The following MAGI2 variants were observed in gnomAD, a reference collection of about 807,000 sequenced individuals.
MAGI2 encodes membrane associated guanylate kinase, WW and PDZ domain containing 2.
A neutral mutation model predicts 133.3 loss-of-function variants in MAGI2; 35 were observed. That is an observed-to-expected ratio of 0.26 (90% confidence interval 0.20 to 0.35). The LOEUF is 0.35. MAGI2 is among the 10% of genes least tolerant of loss of function. MAGI2 has a pLI of 1.00. For synonymous variants in MAGI2, 729 were observed against 710.6 expected (o/e 1.03, Z -0.41); for missense variants, 1,636 against 1,863.4 (o/e 0.88, Z 2.25).
intron 3 of MAGI2, among the ~76,000 whole-genome samples, chr7:78,522,665 C>T (rs1796608311): frequency 6.6e-6 from 1 of 152,174 alleles, no homozygotes; most frequent in Non-Finnish European, 1.5e-5. Context: ...CAGGCATGAG[C>T]CACTGCATGC....
At chr7:78,419,261 G>C (rs1238594274) in intron 6 of MAGI2, among the ~76,000 whole-genome samples, 1 of 152,224 alleles carries the variant, frequency 6.6e-6, no homozygotes, top group South Asian at 2.1e-4. Context: ...TGTTTGCCAA[G>C]AGGAACCTTG....
chr7:78,667,495 T>G (rs1046681083), intron 2 of MAGI2, among the ~76,000 whole-genome samples: 2 of 151,776 alleles, frequency 1.3e-5, no homozygotes, highest in Admixed American at 6.6e-5. Context: ...ACCCATTAAC[T>G]CGTTATTTAG....
At chr7:78,405,607 T>C (rs898348250) in intron 6 of MAGI2, among the ~76,000 whole-genome samples, 1 of 152,098 alleles carries the variant, frequency 6.6e-6, no homozygotes, top group African/African-American at 2.4e-5. Flanking sequence ...TCTTACAACA[T>C]TACCTATTAG....
At chr7:78,845,080 G>T (rs1308704018) in intron 2 of MAGI2, among the ~76,000 whole-genome samples, 1 of 151,874 alleles carries the variant, frequency 6.6e-6, no homozygotes, top group African/African-American at 2.4e-5. Flanking sequence ...ATCTCTAGAA[G>T]TAACTGTTCC....
In MAGI2 at chr7:78,472,400, A is replaced by C. The variant is rs531029436; in HGVS notation, c.1045+17361T>G. Reference sequence around the variant, plus strand: ...CAAATGTAGACAATAAATATTAATAACCTAGAAGCACTTGATAATATTTAC... The same window carrying C: ...CAAATGTAGACAATAAATATTAATACCCTAGAAGCACTTGATAATATTTAC... On this transcript the variant is annotated intron_variant, in intron 6 of 21. Transcript: ENST00000354212. 1.5e-4 allele frequency among the ~76,000 whole-genome samples: 23 copies of C among 152,200 alleles called. No homozygotes were observed. The South Asian group carries it at 4.6e-3, about 30-fold the overall frequency.
intron 10 of MAGI2, among the ~76,000 whole-genome samples, chr7:78,209,238 A>AAG (rs1398152548): frequency 8.2e-6 from 1 of 122,166 alleles, no homozygotes; most frequent in African/African-American, 2.9e-5. Context: ...AAAAAAAAAA[A>AAG]AAAAAAAGAC....
chr7:79,426,791 A>G (rs1234990067), intron 1 of MAGI2, among the ~76,000 whole-genome samples: 3 of 152,160 alleles, frequency 2.0e-5, no homozygotes, highest in Admixed American at 2.0e-4. Flanking sequence ...AGGAGTTTAC[A>G]TGAGTGATAT....
intron 2 of MAGI2, among the ~76,000 whole-genome samples, chr7:78,830,231 C>T (rs1791023896): frequency 6.6e-6 from 1 of 152,024 alleles, no homozygotes; most frequent in Admixed American, 6.6e-5. Context: ...GGGCAACTAA[C>T]TTCATTGATC....
At chr7:78,501,325 T>C (rs1054317758) in intron 5 of MAGI2, among the ~76,000 whole-genome samples, 1 of 152,130 alleles carries the variant, frequency 6.6e-6, no homozygotes, top group African/African-American at 2.4e-5. Context: ...ACATGGAGAT[T>C]TGTCTTTTTT....
intron 2 of MAGI2, among the ~76,000 whole-genome samples, chr7:78,657,174 CA>C (rs1554516187): frequency 2.0e-5 from 3 of 152,110 alleles, no homozygotes; most frequent in Non-Finnish European, 4.4e-5. Context: ...AGAACACAGA[CA>C]ACAAATGCTG....
At chr7:79,106,110 T>G (rs7790562) in intron 1 of MAGI2, among the ~76,000 whole-genome samples, 1 of 151,972 alleles carries the variant, frequency 6.6e-6, no homozygotes, top group African/African-American at 2.4e-5. Context: ...AGCCAAAAAT[T>G]TAGGAATTAT....
chr7:78,207,178 G>T (rs529784664), intron 10 of MAGI2, among the ~76,000 whole-genome samples: 1 of 152,200 alleles, frequency 6.6e-6, no homozygotes, highest in Admixed American at 6.5e-5. Flanking sequence ...TGCCCTGCTG[G>T]AAGACAGGAA....
intron 2 of MAGI2, among the ~76,000 whole-genome samples, chr7:78,897,123 C>A (rs17151631): frequency 0.019 from 2,910 of 152,286 alleles, 86 homozygotes; most frequent in African/African-American, 0.064. Flanking sequence ...TTTAATGGAA[C>A]TCTCTAGTTT....
intron 1 of MAGI2, among the ~76,000 whole-genome samples, chr7:79,228,763 A>G (rs2129554038): frequency 6.6e-6 from 1 of 152,294 alleles, no homozygotes; most frequent in African/African-American, 2.4e-5. Context: ...CACCCAGTTG[A>G]GCCCACATCA....
intron 2 of MAGI2, among the ~76,000 whole-genome samples, chr7:78,922,377 G>A (rs925165252): frequency 7.6e-5 from 11 of 145,366 alleles, no homozygotes; most frequent in Admixed American, 4.1e-4. Context: ...AGAGTGTGAT[G>A]TTCTCCTCCC....
intron 1 of MAGI2, chr7:79,011,047 T>C (rs1808034710): frequency 6.6e-6 from 1 of 152,118 alleles, no homozygotes; most frequent in Non-Finnish European, 1.5e-5. Flanking sequence ...AGAGCTCAGT[T>C]CAAACTCTTC....
chr7:79,298,371 C>A lies in MAGI2; in HGVS notation c.301+154649G>T, dbSNP rs148465271. On this transcript the variant is annotated intron_variant, in intron 1 of 21. Transcript: ENST00000354212. ...CAAGTGTCACTTGGTGGCAGCATAA[C>A]AAAATTGCTATGAGAGTTCCTAACT... Among the ~76,000 whole-genome samples the A allele has an allele frequency of 7.9e-5, 12 of 152,140 alleles. No individual in the cohort carries two copies. In the East Asian group the frequency reaches 2.1e-3, roughly 27 times the overall value.
intron 3 of MAGI2, among the ~76,000 whole-genome samples, chr7:78,534,565 T>G (rs1327413602): frequency 6.6e-6 from 1 of 152,248 alleles, no homozygotes; most frequent in African/African-American, 2.4e-5. Context: ...AAGCTCTTCT[T>G]TTCTCAGTTT....
intron 3 of MAGI2, among the ~76,000 whole-genome samples, chr7:78,626,200 T>C (rs1416988779): frequency 6.6e-6 from 1 of 152,184 alleles, no homozygotes; most frequent in Non-Finnish European, 1.5e-5. Flanking sequence ...ATAGCATCTG[T>C]ACATATACTT....
Sources: allele counts gnomAD v4.1 joint callset (sites outside exome capture counted in the v4.1 genomes callset), GRCh38; gene constraint gnomAD v4.1.1; transcripts MANE v1.5; gene names NCBI Gene and HGNC (gene_info 2026-07-23, HGNC 2026-07-21).